The following NRXN3 variants were observed in gnomAD, a reference collection of about 807,000 sequenced individuals.
NRXN3 encodes the protein neurexin III.
In NRXN3, 32 loss-of-function variants were observed where a neutral mutation model predicts 137.6. The ratio of observed to expected loss-of-function variants is 0.23; its 90% confidence interval spans 0.18 to 0.31. The LOEUF is 0.31. NRXN3 is among the 10% of genes least tolerant of loss of function. The probability of loss-of-function intolerance (pLI) is 1.00; values close to 1 mark genes in which losing one functional copy is unlikely to be tolerated. For synonymous variants in NRXN3, 798 were observed against 784.5 expected (o/e 1.02, Z -0.29); for missense variants, 1,574 against 2,062.5 (o/e 0.76, Z 4.59).
At chr14:79,120,991 A>C (rs984706244) in intron 15 of NRXN3, among the ~76,000 whole-genome samples, 3 of 152,182 alleles carry the variant, frequency 2.0e-5, no homozygotes, top group African/African-American at 7.2e-5. Flanking sequence ...ACAGCAGAAG[A>C]CTTGTCACTT....
At chr14:78,576,267 C>A (rs184455028) in intron 4 of NRXN3, among the ~76,000 whole-genome samples, 86 of 152,300 alleles carry the variant, frequency 5.6e-4, no homozygotes, top group Non-Finnish European at 1.1e-3. Flanking sequence ...GTGGCATTGG[C>A]TTCTGATCAG....
chr14:79,861,625 A>G lies in NRXN3; in HGVS notation c.4377A>G (p.Pro1459=), dbSNP rs371317781. Residue 1459 remains proline, a synonymous_variant, in exon 21 of 21, where the codon CCA becomes CCG. Coordinates refer to ENST00000335750, the MANE Select transcript of NRXN3 (RefSeq NM_001330195.2). The surrounding 1 kb of genome is among the most constrained non-coding windows in gnomAD (Gnocchi z 5.4). ...YELDSTKLKS[P]LITSPMFRNV... ...TAGACAGCACCAAACTGAAGAGCCCACTAATTACTTCCCCCATGTTCCGTA... is the reference window on the plus strand; with the variant it reads ...TAGACAGCACCAAACTGAAGAGCCCGCTAATTACTTCCCCCATGTTCCGTA... 1.7e-5 allele frequency: 27 copies of G among 1,613,926 alleles called. No homozygotes were observed. The African/African-American group carries it at 3.1e-4, about 18-fold the overall frequency.
At chr14:79,814,425 A>G (rs567190118) in intron 20 of NRXN3, among the ~76,000 whole-genome samples, 81 of 152,350 alleles carry the variant, frequency 5.3e-4, no homozygotes, top group African/African-American at 1.9e-3. Context: ...AACTTCACAA[A>G]GAAGCAAAAC....
At chr14:79,316,610 G>T (rs1598626977) in intron 15 of NRXN3, among the ~76,000 whole-genome samples, 1 of 152,152 alleles carries the variant, frequency 6.6e-6, no homozygotes, top group East Asian at 1.9e-4. Context: ...ACAGTTATCT[G>T]GGTGCATGCC....
At chr14:78,946,235 C>A (rs2099364898) in intron 10 of NRXN3, among the ~76,000 whole-genome samples, 2 of 152,086 alleles carry the variant, frequency 1.3e-5, no homozygotes, top group South Asian at 4.1e-4. Context: ...ATTTGAGAAT[C>A]CAATGTACCT....
At chr14:79,728,118 A>G (rs2098902877) in intron 19 of NRXN3, among the ~76,000 whole-genome samples, 1 of 152,208 alleles carries the variant, frequency 6.6e-6, no homozygotes, top group Admixed American at 6.5e-5. Flanking sequence ...AGTACTTTAG[A>G]GCAAGAGTAG....
chr14:79,771,177 G>T (rs948368437), intron 19 of NRXN3, among the ~76,000 whole-genome samples: 5 of 152,138 alleles, frequency 3.3e-5, no homozygotes, highest in African/African-American at 9.7e-5. Flanking sequence ...TGGATTCACA[G>T]CCGAATTCTA....
intron 4 of NRXN3, among the ~76,000 whole-genome samples, chr14:78,637,438 G>T (rs56151199): frequency 0.18 from 26,693 of 152,144 alleles, 2,510 homozygotes; most frequent in South Asian, 0.24. Flanking sequence ...TACTACACTG[G>T]TAATTATTTG....
At chr14:78,954,717 G>A (rs997461290) in intron 10 of NRXN3, among the ~76,000 whole-genome samples, 6 of 150,922 alleles carry the variant, frequency 4.0e-5, no homozygotes, top group Admixed American at 6.6e-5. Flanking sequence ...TGCCCGCCTC[G>A]GCCTCCCAAA....
At chr14:78,696,613 A>G (rs557432382) in intron 6 of NRXN3, among the ~76,000 whole-genome samples, 2 of 152,106 alleles carry the variant, frequency 1.3e-5, no homozygotes, top group East Asian at 3.9e-4. Flanking sequence ...ACTATATTTT[A>G]TGCTGCTTCT....
intron 15 of NRXN3, among the ~76,000 whole-genome samples, chr14:79,155,874 G>A (rs1383148992): frequency 1.3e-5 from 2 of 151,762 alleles, no homozygotes; most frequent in African/African-American, 2.4e-5. Flanking sequence ...ATCATTTAAT[G>A]TATCAAAAAC....
At chr14:78,367,723 G>A (rs1427271232) in intron 4 of NRXN3, among the ~76,000 whole-genome samples, 2 of 152,164 alleles carry the variant, frequency 1.3e-5, no homozygotes, top group African/African-American at 4.8e-5. Flanking sequence ...TGGCAACTGT[G>A]CCTTGGGAGC....
chr14:79,804,237 TG>T (rs2099194375), intron 19 of NRXN3, among the ~76,000 whole-genome samples: 1 of 152,262 alleles, frequency 6.6e-6, no homozygotes, highest in Middle Eastern at 3.4e-3. Context: ...TTTTGTTTTT[TG>T]CATAAGATCT....
chr14:79,050,621 G>A lies in NRXN3; in HGVS notation c.3262+62480G>A, dbSNP rs562475173. On this transcript the variant is annotated intron_variant, in intron 15 of 20. Coordinates refer to ENST00000335750, the MANE Select transcript of NRXN3 (RefSeq NM_001330195.2). ...AGGATGTCTGCACAAGAATATCCATGCATTCGTTCTTAGAATTTCAGGGCC... is the reference window on the plus strand; with the variant it reads ...AGGATGTCTGCACAAGAATATCCATACATTCGTTCTTAGAATTTCAGGGCC... Among the ~76,000 whole-genome samples the A allele has an allele frequency of 7.2e-5, 11 of 152,316 alleles. No homozygotes were observed. The East Asian group carries it at 2.1e-3, about 29-fold the overall frequency.
In NRXN3 at chr14:78,237,716, G is replaced by A. The variant is rs147584240; in HGVS notation, c.-703-4675G>A. Among the ~76,000 whole-genome samples the A allele has an allele frequency of 1.4e-4, 22 of 152,308 alleles. No individual in the cohort carries two copies. In the East Asian group the frequency reaches 4.0e-3, roughly 28 times the overall value. On this transcript the variant is annotated intron_variant, in intron 1 of 20. Transcript: ENST00000335750. ...AAACTGGATCATATGATTTGGGATT[G>A]GGATGAACCTCACCTTGAATGACAC...
intron 15 of NRXN3, among the ~76,000 whole-genome samples, chr14:79,458,156 T>C (rs1291015063): frequency 2.6e-5 from 4 of 152,154 alleles, no homozygotes; most frequent in African/African-American, 9.6e-5. Context: ...ACTTATCTAT[T>C]TATTTTTACA....
At chr14:78,412,441 T>C (rs10135795) in intron 4 of NRXN3, among the ~76,000 whole-genome samples, 86,340 of 152,024 alleles carry the variant, frequency 0.57, 24,704 homozygotes, top group Middle Eastern at 0.69. Flanking sequence ...TGTAACTTCA[T>C]CTACATTGAT....
rs181963392 is a variant in NRXN3, at chr14:79,019,735, G to A, written c.3262+31594G>A. Reference sequence around the variant, plus strand: ...TCCTCAGTTTCAAATGCAGTTGAGAGGGCTGGGAGGGCAACTGCAGAGAAC... The same window carrying A: ...TCCTCAGTTTCAAATGCAGTTGAGAAGGCTGGGAGGGCAACTGCAGAGAAC... On this transcript the variant is annotated intron_variant, in intron 15 of 20. Coordinates refer to ENST00000335750, the MANE Select transcript of NRXN3 (RefSeq NM_001330195.2). Among the ~76,000 whole-genome samples, 745 of 152,252 alleles carry A rather than the reference G, an allele frequency of 4.9e-3. 3 individuals are homozygous for A. The highest frequency in any genetic ancestry group is 0.019 in the South Asian group (94 of 4,824).
At chr14:79,618,800 A>G (rs2098190099) in intron 16 of NRXN3, among the ~76,000 whole-genome samples, 1 of 152,186 alleles carries the variant, frequency 6.6e-6, no homozygotes, top group African/African-American at 2.4e-5. Flanking sequence ...GTCTGAACTA[A>G]TGTACATTCT....
Sources: gnomAD v4.1 joint callset for allele counts (sites outside exome capture counted in the v4.1 genomes callset) on GRCh38, gnomAD v4.1.1 for gene constraint, Gnocchi (gnomAD v3.1) non-coding constraint, MANE v1.5 for transcripts, NCBI Gene and HGNC (gene_info 2026-07-23, HGNC 2026-07-21) for gene names.